DSCAM: variants seen among roughly 807,000 people sequenced by gnomAD.
DSCAM encodes the protein DS cell adhesion molecule.
DSCAM carries 47 observed loss-of-function variants against 217.7 expected under a neutral mutation model. The ratio of observed to expected loss-of-function variants is 0.22; its 90% CI spans 0.17 to 0.28. The LOEUF is 0.28. DSCAM is among the 10% of genes least tolerant of loss of function. DSCAM has a pLI of 1.00. For synonymous variants in DSCAM, 1,056 were observed against 1,015.3 expected (o/e 1.04, Z -0.76); for missense variants, 2,080 against 2,618.3 (o/e 0.79, Z 4.49).
At chr21:40,262,507 G>T (rs748673456) in intron 11 of DSCAM, among the ~76,000 whole-genome samples, 1 of 152,090 alleles carries the variant, frequency 6.6e-6, no homozygotes, top group Non-Finnish European at 1.5e-5. Context: ...AACAAATCAA[G>T]ACAATACCCA....
At chr21:40,174,536 T>C (rs1009170317) in intron 15 of DSCAM, among the ~76,000 whole-genome samples, 3 of 151,648 alleles carry the variant, frequency 2.0e-5, no homozygotes. Context: ...TTATTCTTTT[T>C]TTTTTTTTTT....
intron 3 of DSCAM, among the ~76,000 whole-genome samples, chr21:40,397,886 C>A (rs1157730635): frequency 1.3e-5 from 2 of 152,114 alleles, no homozygotes; most frequent in Non-Finnish European, 2.9e-5. Flanking sequence ...ACTTCTACTG[C>A]CACTACTTTT....
chr21:40,411,280 A>T (rs2075321404), intron 3 of DSCAM, among the ~76,000 whole-genome samples: 1 of 152,058 alleles, frequency 6.6e-6, no homozygotes, highest in South Asian at 2.1e-4. Flanking sequence ...GGGCAGAATA[A>T]GCCACGAATG....
intron 3 of DSCAM, among the ~76,000 whole-genome samples, chr21:40,503,934 T>C (rs544451031): frequency 1.6e-4 from 24 of 152,318 alleles, no homozygotes; most frequent in African/African-American, 5.8e-4. Flanking sequence ...TTGTAGTTGG[T>C]CATTTCTGCT....
chr21:40,577,584 T>C (rs546729973), intron 3 of DSCAM, among the ~76,000 whole-genome samples: 3 of 150,668 alleles, frequency 2.0e-5, no homozygotes, highest in Admixed American at 6.6e-5. Context: ...ACGCCACACT[T>C]TGGGATGAAT....
At chr21:40,769,161 A>G (rs993612632) in intron 1 of DSCAM, among the ~76,000 whole-genome samples, 1 of 152,124 alleles carries the variant, frequency 6.6e-6, no homozygotes, top group African/African-American at 2.4e-5. Context: ...TCTGTGCTGA[A>G]TCCCCACTGC....
chr21:40,505,447 A>AG (rs970087616), intron 3 of DSCAM, among the ~76,000 whole-genome samples: 7 of 152,080 alleles, frequency 4.6e-5, no homozygotes, highest in African/African-American at 1.7e-4. Context: ...CAGCATTCTG[A>AG]GAAAAAAAAA....
chr21:40,152,123 A>AAC (rs369060235), intron 16 of DSCAM, among the ~76,000 whole-genome samples: 9,874 of 151,690 alleles, frequency 0.065, 568 homozygotes, highest in African/African-American at 0.15. Flanking sequence ...ATGGAAAAAA[A>AAC]AAAACACAAA....
intron 10 of DSCAM, among the ~76,000 whole-genome samples, chr21:40,279,735 T>C (rs2073734668): frequency 6.6e-6 from 1 of 152,162 alleles, no homozygotes; most frequent in Admixed American, 6.5e-5. Flanking sequence ...CAAATGCCCA[T>C]CAATGATAGA....
At chr21:40,117,262 T>C (rs982339595) in intron 20 of DSCAM, among the ~76,000 whole-genome samples, 1 of 152,172 alleles carries the variant, frequency 6.6e-6, no homozygotes, top group African/African-American at 2.4e-5. Flanking sequence ...GAACATCCAC[T>C]ATTTCAGCAC....
chr21:40,044,135 C>T lies in DSCAM; in HGVS notation c.5326G>A (p.Ala1776Thr). The change falls in exon 31 of 33, where the codon GCA becomes ACA. Residue 1776 changes from alanine (A) to threonine (T), a missense_variant. Around this residue, in one of 5 missense-constraint regions of DSCAM, gnomAD observed 1,144 missense variants for 1,421.1 expected, o/e 0.81. Coordinates refer to ENST00000400454, the MANE Select transcript of DSCAM (RefSeq NM_001389.5). ...TCGCTCTCTTTGTCTACTGATCCTG[C>T]AGCCCTGGGTGTTGGCAGCCTCCAG... ...TDWRLPTPRA[A>T]GSVDKESDSY... 6.2e-7 allele frequency: 1 copy of T among 1,614,146 alleles called. No homozygotes were observed. Among genetic ancestry groups the T allele is most frequent in the South Asian group, 1.1e-5 (1 of 91,072 alleles).
At chr21:40,051,660 A>G (rs984252772) in intron 30 of DSCAM, among the ~76,000 whole-genome samples, 7 of 152,210 alleles carry the variant, frequency 4.6e-5, no homozygotes, top group African/African-American at 1.7e-4. Context: ...GCAGATACAC[A>G]CTAAAGTAGA....
At chr21:40,614,171 G>A (rs1392308646) in intron 3 of DSCAM, among the ~76,000 whole-genome samples, 1 of 152,208 alleles carries the variant, frequency 6.6e-6, no homozygotes, top group Non-Finnish European at 1.5e-5. Flanking sequence ...CAGTCATGAG[G>A]CCATGGAAGT....
chr21:40,570,723 A>C (rs1398582805), intron 3 of DSCAM, among the ~76,000 whole-genome samples: 1 of 152,230 alleles, frequency 6.6e-6, no homozygotes, highest in Admixed American at 6.5e-5. Flanking sequence ...TCAGGACGTA[A>C]CTGTATGATA....
intron 9 of DSCAM, among the ~76,000 whole-genome samples, chr21:40,298,226 G>A (rs1381776842): frequency 1.3e-5 from 2 of 151,800 alleles, no homozygotes; most frequent in African/African-American, 2.4e-5. Context: ...GATTACAGGT[G>A]CCTGCCATCA....
chr21:40,109,570 G>A (rs958073718), intron 20 of DSCAM, among the ~76,000 whole-genome samples: 5 of 152,194 alleles, frequency 3.3e-5, no homozygotes, highest in Admixed American at 6.5e-5. Context: ...GACAGTGGAC[G>A]CAGGACAGCG....
In DSCAM at chr21:40,251,515, A is replaced by G. The variant is rs549342833; in HGVS notation, c.2356+24582T>C. ...CTTCCCTTGTTTTAATTTGGGATAG[A>G]AGGAATGACTTACACTTGATAATGA... On this transcript the variant is annotated intron_variant, in intron 11 of 32. Transcript: ENST00000400454. Among the ~76,000 whole-genome samples the G allele has an allele frequency of 2.3e-4, 35 of 152,296 alleles. No homozygotes were observed. The East Asian group carries it at 3.3e-3, about 14-fold the overall frequency.
intron 8 of DSCAM, among the ~76,000 whole-genome samples, chr21:40,316,642 A>G (rs16999673): frequency 0.037 from 5,571 of 152,208 alleles, 219 homozygotes; most frequent in African/African-American, 0.098. Context: ...AATATGACAC[A>G]CACCGCTTTT....
chr21:40,531,212 C>T (rs1233831345), intron 3 of DSCAM, among the ~76,000 whole-genome samples: 1 of 152,188 alleles, frequency 6.6e-6, no homozygotes, highest in African/African-American at 2.4e-5. Flanking sequence ...CTGGCACCTG[C>T]AGCTTGCCTT....
Sources: allele counts gnomAD v4.1 joint callset (sites outside exome capture counted in the v4.1 genomes callset), GRCh38; gene constraint gnomAD v4.1.1; regional missense constraint gnomAD v4.1.1; transcripts MANE v1.5; gene names NCBI Gene and HGNC (gene_info 2026-07-23, HGNC 2026-07-21).